The following R3HDM1 variants were observed in gnomAD, a reference collection of about 807,000 sequenced individuals.
The protein encoded by R3HDM1 is R3H domain containing 1.
A neutral mutation model predicts 141.1 loss-of-function variants in R3HDM1; 46 were observed. That is an observed-to-expected ratio of 0.33 (90% CI 0.26 to 0.42). The LOEUF (loss-of-function observed/expected upper bound fraction) is 0.42. R3HDM1 is among the 10% of genes least tolerant of loss of function. The probability of loss-of-function intolerance (pLI) is 1.00; values close to 1 mark genes in which losing one functional copy is unlikely to be tolerated. For synonymous variants in R3HDM1, 435 were observed against 472.9 expected, an observed-to-expected ratio of 0.92 and a Z score of 1.04; for missense variants, 1,184 against 1,368.3, an observed-to-expected ratio of 0.87 and a Z score of 2.12.
intron 1 of R3HDM1, among the ~76,000 whole-genome samples, chr2:135,580,010 G>T (rs1411382897): frequency 6.6e-6 from 1 of 152,048 alleles, no homozygotes; most frequent in East Asian, 1.9e-4. Flanking sequence ...TGTAATCCCA[G>T]AACTTTGAGA....
intron 7 of R3HDM1, chr2:135,623,126 T>C (rs2061662961): frequency 1.2e-6 from 1 of 820,632 alleles, no homozygotes; most frequent in African/African-American, 1.9e-5. Flanking sequence ...TTGTTCCTTC[T>C]TGCTGAGTTT....
chr2:135,667,672 T>C (rs1237862755), intron 19 of R3HDM1: 2 of 977,112 alleles, frequency 2.0e-6, no homozygotes, highest in African/African-American at 3.5e-5. Context: ...AATACTCTTC[T>C]TGTAGCATTT....
intron 1 of R3HDM1, among the ~76,000 whole-genome samples, chr2:135,554,355 C>A (rs1700340777): frequency 6.6e-6 from 1 of 152,186 alleles, no homozygotes; most frequent in African/African-American, 2.4e-5. Context: ...TACTTCATTC[C>A]TTTTCATTTC....
intron 1 of R3HDM1, chr2:135,596,921 G>T (rs528373300): frequency 1.4e-6 from 1 of 732,326 alleles, no homozygotes; most frequent in African/African-American, 1.9e-5. Context: ...ACCAGAAGTG[G>T]AAATGTGGAG....
chr2:135,602,188 T>C (rs994965828), intron 1 of R3HDM1, among the ~76,000 whole-genome samples: 5 of 152,248 alleles, frequency 3.3e-5, no homozygotes, highest in African/African-American at 1.2e-4. Context: ...TGATCTTTTT[T>C]CTCTCTCTTT....
chr2:135,659,684 C>T (rs1229620259), intron 18 of R3HDM1, among the ~76,000 whole-genome samples: 1 of 152,096 alleles, frequency 6.6e-6, no homozygotes, highest in African/African-American at 2.4e-5. Context: ...GCGATCCTCC[C>T]GCCTCAGCCT....
At chr2:135,669,977 A>C (rs189835271) in intron 19 of R3HDM1, among the ~76,000 whole-genome samples, 11 of 152,150 alleles carry the variant, frequency 7.2e-5, no homozygotes, top group Non-Finnish European at 4.4e-5. Flanking sequence ...CATCTCTATT[A>C]AATATACAAA....
At chr2:135,681,299 A>G (rs903711180) in intron 21 of R3HDM1, among the ~76,000 whole-genome samples, 6 of 152,194 alleles carry the variant, frequency 3.9e-5, no homozygotes, top group African/African-American at 1.4e-4. Flanking sequence ...TGCAAAAGAG[A>G]AAATATTTTA....
chr2:135,670,942 C>T (rs2068244238), intron 19 of R3HDM1, among the ~76,000 whole-genome samples: 1 of 151,704 alleles, frequency 6.6e-6, no homozygotes, highest in South Asian at 2.1e-4. Flanking sequence ...ACCTGCAATT[C>T]CAGTTACTCA....
chr2:135,715,565 A>G lies in R3HDM1; in HGVS notation c.2752A>G (p.Ser918Gly), dbSNP rs1381543835. 1 of 1,614,058 alleles carries G rather than the reference A, an allele frequency of 6.2e-7. No homozygotes were observed. Among genetic ancestry groups the G allele is most frequent in the African/African-American group, 1.3e-5 (1 of 75,056 alleles). Reference protein sequence around the residue: ...DNIVQHSPQLSSPIISPAQSP... With the variant: ...DNIVQHSPQLGSPIISPAQSP... ...GTAATTGCAGCACAGCCCTCAACTC[A>G]GTAGCCCCATTATTTCACCAGCTCA... is the stretch of plus-strand genomic sequence containing the variant. The change falls in exon 24 of 27, where the codon AGT (serine) becomes GGT (glycine). Residue 918 changes from serine to glycine, a missense_variant. By Grantham distance (56) the Ser-to-Gly change is moderately conservative (BLOSUM62 0). This residue lies in a region of R3HDM1 where 563 missense variants were observed against 562.0 expected (regional missense o/e 1.00). Transcript: ENST00000683871.
At chr2:135,723,750 C>T (rs893168343) in intron 26 of R3HDM1, among the ~76,000 whole-genome samples, 187 bp from the exon 27 acceptor site, 1 of 131,532 alleles carries the variant, frequency 7.6e-6, no homozygotes, top group Admixed American at 8.6e-5. Context: ...GCACTCCAGC[C>T]TGGGAGACAG....
chr2:135,588,287 T>C (rs1708410769), intron 1 of R3HDM1, among the ~76,000 whole-genome samples: 1 of 151,992 alleles, frequency 6.6e-6, no homozygotes, highest in East Asian at 1.9e-4. Flanking sequence ...CCTTTTGCTC[T>C]TTCTCTCTAC....
intron 11 of R3HDM1, among the ~76,000 whole-genome samples, chr2:135,636,834 T>A (rs932235183): frequency 1.3e-5 from 2 of 151,628 alleles, no homozygotes; most frequent in Admixed American, 6.6e-5. Flanking sequence ...AAAATCCAGA[T>A]TGTAAGTGAA....
intron 1 of R3HDM1, chr2:135,583,949 A>G: frequency 2.0e-6 from 2 of 985,436 alleles, no homozygotes; most frequent in Non-Finnish European, 2.4e-6. Context: ...TAGAGTCAAT[A>G]TACTTCTATT....
At chr2:135,666,275 A>G (rs1410548248) in intron 19 of R3HDM1, among the ~76,000 whole-genome samples, 1 of 152,210 alleles carries the variant, frequency 6.6e-6, no homozygotes, top group Non-Finnish European at 1.5e-5. Context: ...GAGGGGGCTT[A>G]TTGATAGGAG....
intron 14 of R3HDM1, among the ~76,000 whole-genome samples, chr2:135,641,015 T>C (rs900468412): frequency 1.3e-5 from 2 of 152,240 alleles, no homozygotes; most frequent in African/African-American, 4.8e-5. Context: ...GCTATGCTAG[T>C]AAAATGAGAA....
chr2:135,697,238 A>T (rs187655172), intron 21 of R3HDM1, among the ~76,000 whole-genome samples: 117 of 152,314 alleles, frequency 7.7e-4, no homozygotes, highest in Admixed American at 2.8e-3. Context: ...GATGTGGAAG[A>T]TTTGTACTCC....
chr2:135,562,745 G>A (rs535043792), intron 1 of R3HDM1, among the ~76,000 whole-genome samples: 1 of 152,070 alleles, frequency 6.6e-6, no homozygotes, highest in Admixed American at 6.6e-5. Flanking sequence ...TACTTTATCA[G>A]GTATCTTTTT....
chr2:135,654,655 G>T, intron 18 of R3HDM1, among the ~76,000 whole-genome samples: 1 of 151,896 alleles, frequency 6.6e-6, no homozygotes, highest in Non-Finnish European at 1.5e-5. Flanking sequence ...CACCATGTTG[G>T]CCAGGCTGGT....
Sources: allele counts gnomAD v4.1 joint callset (sites outside exome capture counted in the v4.1 genomes callset), GRCh38; gene constraint gnomAD v4.1.1; regional missense constraint gnomAD v4.1.1; transcripts MANE v1.5; gene names NCBI Gene and HGNC (gene_info 2026-07-23, HGNC 2026-07-21).